UNC79: variants seen among roughly 807,000 people sequenced by gnomAD.
UNC79 encodes protein unc-79 homolog.
A neutral mutation model predicts 283.1 loss-of-function variants in UNC79; 37 were observed. That is an observed-to-expected ratio of 0.13 (90% CI 0.10 to 0.17). The LOEUF (loss-of-function observed/expected upper bound fraction) is 0.17. UNC79 is among the 10% of genes least tolerant of loss of function. The pLI, the probability that UNC79 is intolerant of heterozygous loss-of-function variation, is 1.00. For synonymous variants in UNC79, 1,107 were observed against 1,200.2 expected, an observed-to-expected ratio of 0.92 and a Z score of 1.61; for missense variants, 2,272 against 3,211.1, an observed-to-expected ratio of 0.71 and a Z score of 7.07.
intron 30 of UNC79, among the ~76,000 whole-genome samples, chr14:93,626,291 T>G (rs764457368): frequency 9.2e-5 from 14 of 152,216 alleles, no homozygotes; most frequent in Non-Finnish European, 1.5e-4. Flanking sequence ...ACCTTCCAGC[T>G]TCTGCACCTA....
chr14:93,622,859 C>T lies in UNC79; in HGVS notation c.5608+18C>T. 6.2e-7 allele frequency: 1 copy of T among 1,605,204 alleles called. No individual in the cohort carries two copies. Among genetic ancestry groups the T allele is most frequent in the Non-Finnish European group, 8.5e-7 (1 of 1,175,022 alleles). On this transcript the variant is annotated intron_variant, in intron 30 of 48. Transcript: ENST00000555664. ...AGATCCAGGTAAGCTCGCCTCTCTTCTTTCTCTCAGCCTTAACTTTAAGTT... is the reference window on the plus strand; with the variant it reads ...AGATCCAGGTAAGCTCGCCTCTCTTTTTTCTCTCAGCCTTAACTTTAAGTT...
At chr14:93,579,355 T>A (rs557021780) in intron 18 of UNC79, among the ~76,000 whole-genome samples, 1 of 152,356 alleles carries the variant, frequency 6.6e-6, no homozygotes, top group East Asian at 1.9e-4. Context: ...TTTCATCCAC[T>A]AGTGTTAGCA....
chr14:93,608,944 C>T (rs1043426449), intron 26 of UNC79, among the ~76,000 whole-genome samples: 1 of 152,120 alleles, frequency 6.6e-6, no homozygotes, highest in African/African-American at 2.4e-5. Context: ...ATGTCATTTG[C>T]CTTCAAGAAG....
chr14:93,402,419 T>C (rs1421298494), intron 1 of UNC79, among the ~76,000 whole-genome samples: 2 of 150,064 alleles, frequency 1.3e-5, no homozygotes, highest in African/African-American at 4.9e-5. Context: ...TGGTATTGAA[T>C]GAAGGAATAA....
chr14:93,417,066 G>C (rs2055477623), intron 1 of UNC79, among the ~76,000 whole-genome samples: 1 of 152,150 alleles, frequency 6.6e-6, no homozygotes, highest in African/African-American at 2.4e-5. Context: ...CTGTCATTAT[G>C]ATGTTAGCTG....
At chr14:93,414,885 T>C (rs1315711286) in intron 1 of UNC79, among the ~76,000 whole-genome samples, 1 of 152,206 alleles carries the variant, frequency 6.6e-6, no homozygotes, top group Non-Finnish European at 1.5e-5. Context: ...CCTGAGACTT[T>C]GCTGAAGTTG....
chr14:93,701,002 T>C (rs1368055522), intron 47 of UNC79, among the ~76,000 whole-genome samples: 2 of 152,062 alleles, frequency 1.3e-5, no homozygotes, highest in East Asian at 3.9e-4. Flanking sequence ...ATCTTTGGAG[T>C]TGTCTCTCTC....
At chr14:93,388,418 T>C (rs1363783283) in intron 1 of UNC79, among the ~76,000 whole-genome samples, 2 of 152,174 alleles carry the variant, frequency 1.3e-5, no homozygotes, top group Non-Finnish European at 2.9e-5. Context: ...AAAGAAACAG[T>C]GGTATATATA....
At chr14:93,523,550 A>G (rs1286907988) in intron 7 of UNC79, among the ~76,000 whole-genome samples, 1 of 152,188 alleles carries the variant, frequency 6.6e-6, no homozygotes, top group East Asian at 1.9e-4. Context: ...AAGCACCAAG[A>G]AATATAGGTT....
At chr14:93,679,637 CAG>C (rs2073669161) in intron 41 of UNC79, among the ~76,000 whole-genome samples, 1 of 152,114 alleles carries the variant, frequency 6.6e-6, no homozygotes, top group South Asian at 2.1e-4. Flanking sequence ...TTTTAATTCA[CAG>C]AGTTATCATT....
At chr14:93,513,137 A>G (rs889980305) in intron 7 of UNC79, among the ~76,000 whole-genome samples, 2 of 151,988 alleles carry the variant, frequency 1.3e-5, no homozygotes, top group Non-Finnish European at 2.9e-5. Flanking sequence ...TTTTAAAACA[A>G]ATTTTACTTG....
intron 5 of UNC79, among the ~76,000 whole-genome samples, chr14:93,493,901 A>ATATATTTTT (rs1251701550): frequency 2.0e-5 from 1 of 49,252 alleles, no homozygotes. Flanking sequence ...ATATATATAT[A>ATATATTTTT]TTTTTTTTTT....
chr14:93,690,490 C>T lies in UNC79; in HGVS notation c.7272+187C>T, dbSNP rs967741391. ...TAGATTCCCAGACTGTCTTTCCCCCCGCCCCCAAATTGTTTTTCGGCTTAC... is the reference window on the plus strand; with the variant it reads ...TAGATTCCCAGACTGTCTTTCCCCCTGCCCCCAAATTGTTTTTCGGCTTAC... On this transcript the variant is annotated intron_variant, in intron 45 of 48. Transcript: ENST00000555664. This position sits in a 1 kb window ranked among gnomAD's most constrained non-coding sequence, Gnocchi z 4.3. 19 of 589,056 alleles carry T rather than the reference C, an allele frequency of 3.2e-5. No individual in the cohort carries two copies. The highest frequency in any genetic ancestry group is 7.6e-5 in the Admixed American group (2 of 26,212). The allele number at this position is 589,056 out of a possible 1,614,324, so 36.5% of individuals were successfully genotyped here. A position where few individuals can be genotyped will look rare whatever the true frequency, so the allele number is the denominator to read the frequency against.
chr14:93,699,928 C>T (rs1443879008), intron 47 of UNC79, among the ~76,000 whole-genome samples: 1 of 151,992 alleles, frequency 6.6e-6, no homozygotes, highest in Non-Finnish European at 1.5e-5. Flanking sequence ...TTCCTTCTGC[C>T]CAAAGGATTT....
At chr14:93,641,395 C>T in intron 33 of UNC79, 148 bp downstream of exon 36, 1 of 742,544 alleles carries the variant, frequency 1.3e-6, no homozygotes, top group Non-Finnish European at 2.2e-6. Context: ...GATGCTTGTT[C>T]AGTGAGTATG....
At chr14:93,701,130 G>A (rs1050468939) in intron 47 of UNC79, among the ~76,000 whole-genome samples, 1 of 152,190 alleles carries the variant, frequency 6.6e-6, no homozygotes, top group Non-Finnish European at 1.5e-5. Flanking sequence ...CTGCATTCCT[G>A]CTGCCAGTGC....
chr14:93,637,202 C>A lies in UNC79; in HGVS notation c.5717-14C>A. On this transcript the variant is annotated splice_polypyrimidine_tract_variant and intron_variant, in intron 31 of 48. Coordinates refer to ENST00000555664, the Ensembl canonical transcript of UNC79. ...TGACCACATCAAAGACTGAAACCCT[C>A]TATTTATCCACAGAACAGATACAGC... 9.4e-7 allele frequency: 1 copy of A among 1,066,826 alleles called. No individual in the cohort carries two copies. The highest frequency in any genetic ancestry group is 1.5e-6 in the Non-Finnish European group (1 of 680,136). The allele number at this position is 1,066,826 out of a possible 1,614,324, so 66.1% of individuals were successfully genotyped here. A position where few individuals can be genotyped will look rare whatever the true frequency, so the allele number is the denominator to read the frequency against.
At chr14:93,526,894 C>T (rs1419894193) in intron 8 of UNC79, among the ~76,000 whole-genome samples, 1 of 152,066 alleles carries the variant, frequency 6.6e-6, no homozygotes, top group Non-Finnish European at 1.5e-5. Flanking sequence ...AAGAGGAGCT[C>T]CACATGGGGG....
intron 30 of UNC79, among the ~76,000 whole-genome samples, chr14:93,624,411 T>A (rs1213164453): frequency 1.3e-5 from 2 of 152,122 alleles, no homozygotes; most frequent in African/African-American, 4.8e-5. Context: ...AGGAACATGG[T>A]TGCATATGGA....
Sources: allele counts gnomAD v4.1 joint callset (sites outside exome capture counted in the v4.1 genomes callset), GRCh38; gene constraint gnomAD v4.1.1; non-coding constraint Gnocchi (gnomAD v3.1); transcripts MANE v1.5; gene names NCBI Gene and HGNC (gene_info 2026-07-23, HGNC 2026-07-21).